Variants in ARB2A observed in about 807,000 individuals in gnomAD.
The protein encoded by ARB2A is ARB2 cotranscriptional regulator A.
At chr5:93,917,302 T>C in the ARB2A span, among the ~76,000 whole-genome samples, 2 of 152,152 alleles carry the variant, frequency 1.3e-5, no homozygotes, top group African/African-American at 4.8e-5. Context: ...TAAAGGGGCA[T>C]TATCCCCATT....
At chr5:93,740,344 C>A in the ARB2A span, 1 of 513,922 alleles carries the variant, frequency 1.9e-6, no homozygotes. Context: ...ACCTTTAAAC[C>A]AATGCTAGGG....
chr5:93,896,311 T>C, the ARB2A span, among the ~76,000 whole-genome samples: 4 of 152,116 alleles, frequency 2.6e-5, no homozygotes, highest in Non-Finnish European at 5.9e-5. Context: ...AGTACTGACA[T>C]GACAGACTTT....
the ARB2A span, among the ~76,000 whole-genome samples, chr5:93,859,231 C>T: frequency 6.6e-6 from 1 of 151,940 alleles, no homozygotes; most frequent in East Asian, 1.9e-4. Flanking sequence ...ACAAAATAAG[C>T]ATAAAAACAA....
At chr5:93,855,525 C>T in the ARB2A span, among the ~76,000 whole-genome samples, 3 of 152,138 alleles carry the variant, frequency 2.0e-5, no homozygotes, top group South Asian at 6.2e-4. Flanking sequence ...TTATTTTGCT[C>T]GTTAGTTGAT....
chr5:93,628,301 G>A, the ARB2A span, among the ~76,000 whole-genome samples: 2 of 151,856 alleles, frequency 1.3e-5, no homozygotes, highest in Non-Finnish European at 2.9e-5. Flanking sequence ...CTCCCATCTC[G>A]GCCTCCCAAA....
the ARB2A span, among the ~76,000 whole-genome samples, chr5:93,712,242 G>GAAAAC: frequency 1.1e-3 from 164 of 152,096 alleles, 1 homozygote; most frequent in Non-Finnish European, 1.7e-3. Flanking sequence ...AATTAAAATT[G>GAAAAC]AAAACAAAAC....
the ARB2A span, chr5:93,734,136 C>A: frequency 1.3e-5 from 2 of 152,140 alleles, no homozygotes; most frequent in East Asian, 1.9e-4. Context: ...AAGAAAACTT[C>A]TAGGAAAAAG....
At chr5:93,912,616 T>C in the ARB2A span, among the ~76,000 whole-genome samples, 1 of 151,766 alleles carries the variant, frequency 6.6e-6, no homozygotes, top group Non-Finnish European at 1.5e-5. Flanking sequence ...AAAAAAGGCA[T>C]ATTCCCATGA....
chr5:93,746,896 A>G, the ARB2A span, among the ~76,000 whole-genome samples: 1 of 152,234 alleles, frequency 6.6e-6, no homozygotes, highest in Non-Finnish European at 1.5e-5. Flanking sequence ...AGTCAGAGAT[A>G]GACAAAGTTT....
At chr5:93,784,428 C>T in the ARB2A span, 5 of 1,613,366 alleles carry the variant, frequency 3.1e-6, no homozygotes, top group Non-Finnish European at 4.2e-6. Flanking sequence ...CTTGATGCCA[C>T]ACATTGTGAA....
At chr5:93,950,954 AAAAATAAAAT>A in the ARB2A span, among the ~76,000 whole-genome samples, 2 of 147,790 alleles carry the variant, frequency 1.4e-5, no homozygotes, top group Non-Finnish European at 3.0e-5. Context: ...AAAAAAAAAA[AAAAATAAAAT>A]AAAATAAAAT....
At chr5:93,843,267 T>C in the ARB2A span, among the ~76,000 whole-genome samples, 2 of 152,064 alleles carry the variant, frequency 1.3e-5, no homozygotes, top group Non-Finnish European at 2.9e-5. Flanking sequence ...ATTAGACATA[T>C]GGAAAATGCC....
At chr5:93,804,814 C>A in the ARB2A span, 1 of 590,006 alleles carries the variant, frequency 1.7e-6, no homozygotes, top group Non-Finnish European at 2.1e-6. Flanking sequence ...CTTTAGTAAT[C>A]TTTTTATGTT....
the ARB2A span, among the ~76,000 whole-genome samples, chr5:93,671,685 A>G: frequency 5.3e-5 from 8 of 152,232 alleles, no homozygotes; most frequent in Admixed American, 3.3e-4. Flanking sequence ...CAATTTTTCA[A>G]TGAGCTCTTA....
the ARB2A span, among the ~76,000 whole-genome samples, chr5:94,057,076 C>T: frequency 2.0e-5 from 3 of 152,228 alleles, no homozygotes; most frequent in Non-Finnish European, 4.4e-5. Flanking sequence ...GACTGGAACT[C>T]ACACCATCAG....
chr5:93,961,675 TC>T, the ARB2A span, among the ~76,000 whole-genome samples: 1 of 151,842 alleles, frequency 6.6e-6, no homozygotes, highest in Non-Finnish European at 1.5e-5. Context: ...AGAGTGAGAC[TC>T]TGTCTCAAAA....
At chr5:93,627,636 T>A in the ARB2A span, among the ~76,000 whole-genome samples, 147 of 152,080 alleles carry the variant, frequency 9.7e-4, 1 homozygote, top group African/African-American at 3.4e-3. Context: ...GAGACAGGGT[T>A]TCACCATGTT....
the ARB2A span, among the ~76,000 whole-genome samples, chr5:93,905,228 T>C: frequency 6.6e-6 from 1 of 151,660 alleles, no homozygotes; most frequent in South Asian, 2.1e-4. Flanking sequence ...TATTACACAA[T>C]GGCTCCATCA....
the ARB2A span, among the ~76,000 whole-genome samples, chr5:93,926,512 G>A: frequency 6.6e-6 from 1 of 151,726 alleles, no homozygotes; most frequent in Non-Finnish European, 1.5e-5. Context: ...TCATTCTGAA[G>A]GAAATGAAAA....
Sources: allele counts gnomAD v4.1 joint callset (sites outside exome capture counted in the v4.1 genomes callset), GRCh38; gene constraint gnomAD v4.1.1; transcripts MANE v1.5; gene names NCBI Gene and HGNC (gene_info 2026-07-23, HGNC 2026-07-21).